Variants in ALMS1 observed in about 807,000 individuals in gnomAD.
The protein encoded by ALMS1 is ALMS1 centrosome and basal body associated protein, also known as centrosome-associated protein ALMS1.
ALMS1 carries 271 observed loss-of-function variants against 352.2 expected under a neutral mutation model. The observed-to-expected ratio is 0.77, with a 90% confidence interval of 0.70 to 0.85. The LOEUF (loss-of-function observed/expected upper bound fraction) is 0.85. Ranked by LOEUF, ALMS1 falls within the 40% of genes least tolerant of loss-of-function variation. The pLI, the probability that ALMS1 is intolerant of heterozygous loss-of-function variation, is 0.00. For missense variants in ALMS1, 5,445 were observed against 4,870.7 expected, an observed-to-expected ratio of 1.12 and a Z score of -3.51; for synonymous variants, 1,865 against 1,761.2, an observed-to-expected ratio of 1.06 and a Z score of -1.48.
intron 7 of ALMS1, among the ~76,000 whole-genome samples, chr2:73,441,488 G>T (rs551792781): frequency 2.0e-5 from 3 of 152,188 alleles, no homozygotes; most frequent in African/African-American, 7.2e-5. Flanking sequence ...TTGGAGTAGG[G>T]TGTGGGGAGA....
chr2:73,559,490 T>C (rs983451630), intron 15 of ALMS1, among the ~76,000 whole-genome samples: 1 of 152,146 alleles, frequency 6.6e-6, no homozygotes, highest in Admixed American at 6.5e-5. Context: ...GCAAAGATAG[T>C]GAGACCATCA....
intron 2 of ALMS1, among the ~76,000 whole-genome samples, chr2:73,410,028 C>T (rs1161905809): frequency 1.3e-5 from 2 of 152,290 alleles, no homozygotes; most frequent in Admixed American, 6.5e-5. Flanking sequence ...CTGGATCAGG[C>T]CTACCCACAT....
rs1394932968 is a variant in ALMS1 at position 73,450,441 on chromosome 2, A to G, written c.3914A>G (p.His1305Arg). The change falls in exon 8 of 23, where the codon CAT becomes CGT. Residue 1305 changes from histidine to arginine, a missense_variant. By Grantham distance (29) the His-to-Arg change is conservative (BLOSUM62 0). Coordinates refer to ENST00000613296, the MANE Select transcript of ALMS1 (RefSeq NM_001378454.1). ...TACCAACAGTCGTTGCCAAGTAGTCATCTAACTGAAGAGGCTAAGAATGTT... is the reference window on the plus strand; with the variant it reads ...TACCAACAGTCGTTGCCAAGTAGTCGTCTAACTGAAGAGGCTAAGAATGTT... ...IFYQQSLPSSHLTEEAKNVSA... is the reference protein window; with the variant it reads ...IFYQQSLPSSRLTEEAKNVSA... 13 of 1,613,796 alleles carry G rather than the reference A, an allele frequency of 8.1e-6. No individual in the cohort carries two copies. The East Asian group carries it at 2.2e-4, about 28-fold the overall frequency.
At chr2:73,591,301 A>G (rs1675427885) in intron 16 of ALMS1, among the ~76,000 whole-genome samples, 1 of 152,204 alleles carries the variant, frequency 6.6e-6, no homozygotes. Context: ...TTTAAGCTTA[A>G]GCTTTTAATC....
chr2:73,546,391 C>T (rs1026385843), intron 12 of ALMS1, among the ~76,000 whole-genome samples: 1 of 152,064 alleles, frequency 6.6e-6, no homozygotes, highest in African/African-American at 2.4e-5. Context: ...GCTGTCAGCT[C>T]ACGTTCATTT....
rs45630557 is a variant in ALMS1 at position 73,426,482 on chromosome 2, G to A, written c.1267G>A (p.Val423Ile). Residue 423 changes from valine (V) to isoleucine (I), a missense_variant, in exon 6 of 23, where the codon GTC becomes ATC. Coordinates refer to ENST00000613296, the MANE Select transcript of ALMS1 (RefSeq NM_001378454.1). Reference protein sequence around the residue: ...KGLQGKVESDVITLDGLNENA... With the variant: ...KGLQGKVESDIITLDGLNENA... The stretch of plus-strand genomic sequence containing the variant: ...CCTGCAGGGGAAGGTTGAGTCTGAC[G>A]TCATTACTCTGGATGGCCTAAATGA... 3.9e-3 allele frequency: 6,262 copies of A among 1,614,050 alleles called. 25 individuals carry two copies. The highest frequency in any genetic ancestry group is 5.4e-3 in the South Asian group (495 of 91,080).
In ALMS1 at chr2:73,452,106, C is replaced by G; in HGVS notation, c.5579C>G (p.Ser1860Cys). The G allele has an allele frequency of 6.2e-7, 1 of 1,613,848 alleles. No individual in the cohort carries two copies. The highest frequency in any genetic ancestry group is 8.5e-7 in the Non-Finnish European group (1 of 1,179,934). ...CCACAGAGAGAGCACTCTGTCATTT[C>G]TTATGAGCAGGAGTTGCCAGATCTT... ...SYPQREHSVI[S>C]YEQELPDLTE... The change falls in exon 8 of 23, where the codon TCT becomes TGT. Residue 1860 changes from serine to cysteine, a missense_variant. Transcript: ENST00000613296.
chr2:73,561,264 G>A (rs2104070436), intron 15 of ALMS1, among the ~76,000 whole-genome samples: 1 of 152,314 alleles, frequency 6.6e-6, no homozygotes, highest in South Asian at 2.1e-4. Context: ...AATACTTGAA[G>A]TCACTAGTTA....
intron 16 of ALMS1, among the ~76,000 whole-genome samples, chr2:73,577,210 G>A (rs1175043414): frequency 1.3e-5 from 2 of 152,096 alleles, no homozygotes. Context: ...AGTTTGAGAA[G>A]GATTAATGTT....
At chr2:73,454,656 T>C (rs1672021853) in intron 8 of ALMS1, among the ~76,000 whole-genome samples, 1 of 152,172 alleles carries the variant, frequency 6.6e-6, no homozygotes, top group South Asian at 2.1e-4. Context: ...TAGAATTCCA[T>C]TAAAAACAAA....
chr2:73,601,446 C>T lies in ALMS1; in HGVS notation c.12114+10C>T, dbSNP rs748043250. On this transcript the variant is annotated intron_variant, in intron 19 of 22. Transcript: ENST00000613296. Reference sequence around the variant, plus strand: ...GAGAGCAACCCTTCAGGTGCAGTGACGTTGACTTAACTTTAATGCTACGTG... The same window carrying T: ...GAGAGCAACCCTTCAGGTGCAGTGATGTTGACTTAACTTTAATGCTACGTG... 6.8e-6 allele frequency: 11 copies of T among 1,613,744 alleles called. No individual in the cohort carries two copies. Among genetic ancestry groups the T allele is most frequent in the South Asian group, 6.6e-5 (6 of 91,034 alleles).
intron 7 of ALMS1, among the ~76,000 whole-genome samples, chr2:73,445,669 G>A (rs886271798): frequency 2.6e-5 from 4 of 152,060 alleles, no homozygotes; most frequent in Non-Finnish European, 1.5e-5. Flanking sequence ...GTGTTACTAA[G>A]CACCTTAGTA....
In ALMS1 at chr2:73,473,170, A is replaced by G. The variant is rs149609329; in HGVS notation, c.7675-16464A>G. On this transcript the variant is annotated intron_variant, in intron 9 of 22. Coordinates refer to ENST00000613296, the MANE Select transcript of ALMS1 (RefSeq NM_001378454.1). ...TTCAGGCTCTGCCTAACTAAGTAGG[A>G]TGTGAAGGCTAAGATATAGTTGTAA... Among the ~76,000 whole-genome samples, 546 of 152,146 alleles carry G rather than the reference A, an allele frequency of 3.6e-3. 5 individuals are homozygous for G. The highest frequency in any genetic ancestry group is 0.02 in the Middle Eastern group (6 of 294).
chr2:73,563,735 A>AAAAAAT (rs1331019526), intron 15 of ALMS1, among the ~76,000 whole-genome samples: 7 of 134,536 alleles, frequency 5.2e-5, no homozygotes, highest in Non-Finnish European at 3.2e-5. Context: ...AAAAAAAAAA[A>AAAAAAT]AAAAATAAAA....
At chr2:73,506,848 A>G (rs1461539145) in intron 10 of ALMS1, among the ~76,000 whole-genome samples, 2 of 152,036 alleles carry the variant, frequency 1.3e-5, no homozygotes, top group East Asian at 1.9e-4. Flanking sequence ...CCATCCTTGC[A>G]TTGTGTCGGT....
chr2:73,603,453 T>TTA, intron 21 of ALMS1, 149 bp downstream of exon 21: 4 of 665,618 alleles, frequency 6.0e-6, no homozygotes, highest in Non-Finnish European at 7.6e-6. Context: ...CTTATGGCAC[T>TTA]GAAAAAAAAA....
At chr2:73,562,461 G>GA (rs1558695609) in intron 15 of ALMS1, among the ~76,000 whole-genome samples, 4 of 152,052 alleles carry the variant, frequency 2.6e-5, no homozygotes, top group South Asian at 4.1e-4. Context: ...CCTCCATACA[G>GA]AAAAAAACAA....
At chr2:73,438,571 A>G (rs1671651705) in intron 7 of ALMS1, among the ~76,000 whole-genome samples, 1 of 152,202 alleles carries the variant, frequency 6.6e-6, no homozygotes, top group Admixed American at 6.5e-5. Flanking sequence ...CAGTTGAACA[A>G]ATGGGAAATA....
chr2:73,432,284 A>C lies in ALMS1; in HGVS notation c.1425A>C (p.Leu475Phe). ...CTGTGCCAAAGGCTCCTAAACATTT[A>C]AAAGCAGGTACGTAGAAAAAGGAGA... ...PDTVPKAPKH[L>F]KAGDTSKGGI... is the part of the protein sequence containing the mutation. Residue 475 changes from leucine (L) to phenylalanine (F), a missense_variant, in exon 7 of 23, where the codon TTA becomes TTC. Transcript: ENST00000613296. 6.2e-7 allele frequency: 1 copy of C among 1,608,564 alleles called. No individual in the cohort carries two copies. Among genetic ancestry groups the C allele is most frequent in the Non-Finnish European group, 8.5e-7 (1 of 1,175,098 alleles).
Sources: allele counts gnomAD v4.1 joint callset (sites outside exome capture counted in the v4.1 genomes callset), GRCh38; gene constraint gnomAD v4.1.1; transcripts MANE v1.5; gene names NCBI Gene and HGNC (gene_info 2026-07-23, HGNC 2026-07-21).